FAF2: variants seen among roughly 807,000 people sequenced by gnomAD.
FAF2 encodes the protein Fas associated factor family member 2.
In FAF2, 9 loss-of-function variants were observed where a neutral mutation model predicts 62.3. The observed-to-expected ratio is 0.14, with a 90% CI of 0.09 to 0.25. The LOEUF is 0.25. FAF2 is among the 10% of genes least tolerant of loss of function. FAF2 has a pLI of 1.00. For synonymous variants in FAF2, 202 were observed against 198.0 expected, an observed-to-expected ratio of 1.02 and a Z score of -0.17; for missense variants, 368 against 556.2, an observed-to-expected ratio of 0.66 and a Z score of 3.40.
chr5:176,468,815 G>A (rs138408010), intron 1 of FAF2, among the ~76,000 whole-genome samples: 40 of 151,870 alleles, frequency 2.6e-4, no homozygotes, highest in Non-Finnish European at 4.9e-4. Context: ...ATGGTGGTAC[G>A]TGCCTGTAGT....
intron 10 of FAF2, among the ~76,000 whole-genome samples, chr5:176,505,089 A>AG (rs1339599627): frequency 6.6e-6 from 1 of 152,168 alleles, no homozygotes. Flanking sequence ...CTTTACACAG[A>AG]GGGGTATAAA....
At chr5:176,498,204 A>G (rs566995252) in intron 8 of FAF2, among the ~76,000 whole-genome samples, 7 of 152,356 alleles carry the variant, frequency 4.6e-5, no homozygotes, top group African/African-American at 1.7e-4. Flanking sequence ...AAAAATGTAT[A>G]GAACAGGAAA....
intron 1 of FAF2, among the ~76,000 whole-genome samples, chr5:176,461,902 G>A (rs1206443989): frequency 6.6e-6 from 1 of 152,030 alleles, no homozygotes; most frequent in Non-Finnish European, 1.5e-5. Context: ...GATACTACTA[G>A]GTTTTCTTGT....
At chr5:176,495,160 A>G (rs1281412466) in intron 7 of FAF2, among the ~76,000 whole-genome samples, 1 of 152,214 alleles carries the variant, frequency 6.6e-6, no homozygotes, top group African/African-American at 2.4e-5. Flanking sequence ...ATACGAAGGC[A>G]TCCAGTGAGG....
chr5:176,454,532 C>T (rs528143631), intron 1 of FAF2, among the ~76,000 whole-genome samples: 10 of 136,738 alleles, frequency 7.3e-5, no homozygotes, highest in Admixed American at 2.4e-4. Context: ...GAGCCAAGAT[C>T]GTGCCACTGC....
intron 2 of FAF2, 64 bp downstream of exon 2, chr5:176,479,320 A>T: frequency 1.6e-6 from 2 of 1,273,246 alleles, no homozygotes; most frequent in South Asian, 2.5e-5. Flanking sequence ...TCAAAACCGT[A>T]TGTTTTTCCA....
At chr5:176,469,076 C>T (rs1171309482) in intron 1 of FAF2, among the ~76,000 whole-genome samples, 1 of 151,872 alleles carries the variant, frequency 6.6e-6, no homozygotes, top group Non-Finnish European at 1.5e-5. Flanking sequence ...GAAACCCTGT[C>T]GGTACTAAAA....
rs200377428 is a variant in FAF2, at chr5:176,503,573, G to T, written c.1156-3195G>T. Among the ~76,000 whole-genome samples the T allele has an allele frequency of 1.6e-4, 22 of 136,060 alleles. No homozygotes were observed. In the East Asian group the frequency reaches 4.7e-3, roughly 29 times the overall value. 89.3% of individuals were successfully genotyped at this position (136,060 alleles called of 152,430 possible). A position where few individuals can be genotyped will look rare whatever the true frequency, so the allele number is the denominator to read the frequency against. ...TCTGTCTCAAAAAAAAAAAAAAAAA[G>T]ACCTTGTATCACCTTCCTGTGAACT... is the stretch of plus-strand genomic sequence containing the variant. On this transcript the variant is annotated intron_variant, in intron 10 of 10. Transcript: ENST00000261942.
At chr5:176,472,415 G>A (rs779833629) in intron 1 of FAF2, among the ~76,000 whole-genome samples, 24 of 152,028 alleles carry the variant, frequency 1.6e-4, no homozygotes, top group Non-Finnish European at 3.4e-4. Flanking sequence ...AAAGTGCTGG[G>A]ATTACAGGCG....
intron 1 of FAF2, among the ~76,000 whole-genome samples, chr5:176,460,546 G>GTGTGTGTA (rs1554131476): frequency 6.7e-6 from 1 of 149,984 alleles, no homozygotes; most frequent in Non-Finnish European, 1.5e-5. Context: ...GTGTGTGTGT[G>GTGTGTGTA]TGTGTGTATT....
chr5:176,454,578 A>G (rs1048143957), intron 1 of FAF2, among the ~76,000 whole-genome samples: 46 of 7,098 alleles, frequency 6.5e-3, no homozygotes, highest in African/African-American at 0.018. Flanking sequence ...ATTCTGTCTG[A>G]AAAAAAAAAA....
chr5:176,492,911 C>T (rs1374604942), intron 5 of FAF2, among the ~76,000 whole-genome samples: 2 of 152,224 alleles, frequency 1.3e-5, no homozygotes, highest in African/African-American at 4.8e-5. Context: ...CTTCTTTGAT[C>T]TCTCACAGAA....
intron 2 of FAF2, among the ~76,000 whole-genome samples, chr5:176,486,136 T>A (rs1758869947): frequency 1.3e-5 from 2 of 152,200 alleles, no homozygotes; most frequent in Non-Finnish European, 2.9e-5. Context: ...TCCAGACAAG[T>A]TTCCTCGTCT....
At chr5:176,487,323 A>G (rs1351888774) in intron 3 of FAF2, among the ~76,000 whole-genome samples, 1 of 152,038 alleles carries the variant, frequency 6.6e-6, no homozygotes, top group African/African-American at 2.4e-5. Flanking sequence ...AGCTGGGACT[A>G]CAGGTGTGCG....
Position 176,505,230 on chromosome 5 carries a change from G to A in FAF2, c.1156-1538G>A, listed in dbSNP as rs1755655665. ...TGATCTGAATGAGGTTGGCAGAATTGTTGTTAGAAGTAGAATGCTAGATGG... is the reference window on the plus strand; with the variant it reads ...TGATCTGAATGAGGTTGGCAGAATTATTGTTAGAAGTAGAATGCTAGATGG... On this transcript the variant is annotated intron_variant, in intron 10 of 10. Transcript: ENST00000261942. 2.0e-5 allele frequency among the ~76,000 whole-genome samples: 3 copies of A among 152,176 alleles called. No individual in the cohort carries two copies. The South Asian group carries it at 6.2e-4, about 32-fold the overall frequency.
At chr5:176,489,291 C>G in intron 4 of FAF2, among the ~76,000 whole-genome samples, 1 of 82,932 alleles carries the variant, frequency 1.2e-5, no homozygotes, top group East Asian at 4.9e-4. Context: ...TTGTCTCCCC[C>G]TCCCCCCCCC....
At chr5:176,504,583 CA>C (rs1382156211) in intron 10 of FAF2, among the ~76,000 whole-genome samples, 11 of 144,828 alleles carry the variant, frequency 7.6e-5, no homozygotes, top group South Asian at 4.4e-4. Flanking sequence ...GACTCCATCT[CA>C]AAAAAAAAAG....
At chr5:176,456,574 A>AT (rs1223416094) in intron 1 of FAF2, among the ~76,000 whole-genome samples, 1 of 45,848 alleles carries the variant, frequency 2.2e-5, no homozygotes. Context: ...CAAGCAGTCC[A>AT]CCCCTTGGCC....
chr5:176,488,806 A>T, intron 3 of FAF2, 145 bp from the exon 4 acceptor site: 4 of 645,196 alleles, frequency 6.2e-6, no homozygotes, highest in East Asian at 2.7e-5. Context: ...ACTTAGAAGG[A>T]TGAGGTGGCC....
Sources: allele counts gnomAD v4.1 joint callset (sites outside exome capture counted in the v4.1 genomes callset), GRCh38; gene constraint gnomAD v4.1.1; transcripts MANE v1.5; gene names NCBI Gene and HGNC (gene_info 2026-07-23, HGNC 2026-07-21).